The following CEP128 variants were observed in gnomAD, a reference collection of about 807,000 sequenced individuals.
CEP128 encodes centrosomal protein 128.
In CEP128, 132 loss-of-function variants were observed where a neutral mutation model predicts 156.7. That is an observed-to-expected ratio of 0.84 (90% CI 0.73 to 0.97). CEP128 has a LOEUF of 0.97. CEP128 is among the 50% of genes least tolerant of loss of function. CEP128 has a pLI of 0.00. For missense variants in CEP128, 1,252 were observed against 1,281.9 expected (o/e 0.98, Z 0.36); for synonymous variants, 469 against 448.9 (o/e 1.04, Z -0.57).
chr14:80,660,075 C>A (rs1895334423), intron 19 of CEP128, among the ~76,000 whole-genome samples: 1 of 152,112 alleles, frequency 6.6e-6, no homozygotes, highest in African/African-American at 2.4e-5. Flanking sequence ...ATAGGGAGGT[C>A]TTCTGTGTAC....
intron 13 of CEP128, among the ~76,000 whole-genome samples, chr14:80,806,110 T>C (rs951853764): frequency 1.3e-5 from 2 of 152,142 alleles, no homozygotes; most frequent in African/African-American, 2.4e-5. Context: ...ACATATGCCA[T>C]TATCATTTTC....
upstream of CEP128, among the ~76,000 whole-genome samples, chr14:80,944,860 G>A (rs887298827): frequency 0.077 from 3,138 of 40,586 alleles, 3 homozygotes; most frequent in Middle Eastern, 0.1. Flanking sequence ...AAAAAAAACA[G>A]AAAAAACAGA....
chr14:80,909,371 T>A (rs1038765703), intron 4 of CEP128, among the ~76,000 whole-genome samples: 1 of 142,334 alleles, frequency 7.0e-6, no homozygotes, highest in Non-Finnish European at 1.5e-5. Context: ...AAGTGAATTT[T>A]CACACACACA....
At chr14:80,950,225 T>C (rs1016582323) in intron 2 of CEP128, among the ~76,000 whole-genome samples, 4 of 152,074 alleles carry the variant, frequency 2.6e-5, no homozygotes, top group Admixed American at 2.0e-4. Flanking sequence ...CAAGGAAACA[T>C]CCACCCACAG....
chr14:80,875,691 G>C (rs994605937), intron 8 of CEP128, among the ~76,000 whole-genome samples: 1 of 152,204 alleles, frequency 6.6e-6, no homozygotes, highest in Non-Finnish European at 1.5e-5. Context: ...CAGTTGAAGA[G>C]AGATTAAGTT....
chr14:80,579,006 A>G (rs949053609), intron 20 of CEP128, among the ~76,000 whole-genome samples: 7 of 152,332 alleles, frequency 4.6e-5, no homozygotes, highest in Non-Finnish European at 8.8e-5. Flanking sequence ...CCAGTATTTA[A>G]TAAACATTTG....
intron 13 of CEP128, 34 bp from the exon 14 acceptor site, chr14:80,793,144 A>C: frequency 6.5e-7 from 1 of 1,540,200 alleles, no homozygotes. Context: ...TTAGGAACAA[A>C]TCCTTGTCAA....
chr14:80,489,315 A>G (rs1023861057), downstream of CEP128, among the ~76,000 whole-genome samples: 2 of 151,074 alleles, frequency 1.3e-5, no homozygotes, highest in Non-Finnish European at 2.9e-5. Context: ...TCTGTGGTCT[A>G]ATAGTGTAAG....
At chr14:80,939,307 T>C (rs1886016069) in intron 2 of CEP128, 78 bp downstream of exon 2, 1 of 151,428 alleles carries the variant, frequency 6.6e-6, no homozygotes, top group Non-Finnish European at 1.5e-5. Flanking sequence ...CAAAACTCTA[T>C]TTCTTGGCAT....
At chr14:80,934,049 T>A (rs1478783370) in intron 2 of CEP128, among the ~76,000 whole-genome samples, 1 of 152,186 alleles carries the variant, frequency 6.6e-6, no homozygotes, top group Non-Finnish European at 1.5e-5. Flanking sequence ...TGCAAGCAAG[T>A]CACTTACTGT....
chr14:80,908,756 A>T, intron 4 of CEP128, among the ~76,000 whole-genome samples: 1 of 152,222 alleles, frequency 6.6e-6, no homozygotes, highest in East Asian at 1.9e-4. Flanking sequence ...GTTCTAGAGG[A>T]TGACATCTTT....
intron 20 of CEP128, among the ~76,000 whole-genome samples, chr14:80,563,240 A>C (rs1276167758): frequency 2.0e-5 from 3 of 152,112 alleles, no homozygotes; most frequent in African/African-American, 7.2e-5. Context: ...TTAATCCTGA[A>C]AAGAAAAGTA....
upstream of CEP128, among the ~76,000 whole-genome samples, chr14:80,944,972 A>G (rs959599132): frequency 2.6e-5 from 4 of 151,782 alleles, no homozygotes; most frequent in Admixed American, 6.6e-5. Flanking sequence ...TATCATTTGC[A>G]GTACCCTTCT....
At chr14:80,580,242 A>C in intron 20 of CEP128, 132 bp downstream of exon 20, 1 of 561,082 alleles carries the variant, frequency 1.8e-6, no homozygotes, top group East Asian at 2.8e-5. Context: ...AGCAAATTCC[A>C]ACTTTATAGT....
At chr14:80,565,741 C>T (rs1890884842) in intron 20 of CEP128, among the ~76,000 whole-genome samples, 1 of 152,122 alleles carries the variant, frequency 6.6e-6, no homozygotes, top group African/African-American at 2.4e-5. Context: ...ATCAGAATAT[C>T]TAATCATTAA....
At chr14:80,690,095 C>T (rs1223827289) in intron 19 of CEP128, among the ~76,000 whole-genome samples, 2 of 151,948 alleles carry the variant, frequency 1.3e-5, no homozygotes, top group African/African-American at 4.8e-5. Context: ...CTAAGTTGTT[C>T]CAAGCTTAGT....
intron 19 of CEP128, 87 bp downstream of exon 19, chr14:80,742,988 T>C: frequency 1.8e-6 from 2 of 1,104,492 alleles, no homozygotes; most frequent in South Asian, 1.4e-5. Context: ...CCAAAGGGGA[T>C]GCAACAGAAG....
chr14:80,643,925 G>T (rs1018462134), intron 19 of CEP128, among the ~76,000 whole-genome samples: 7 of 152,184 alleles, frequency 4.6e-5, no homozygotes, highest in Non-Finnish European at 8.8e-5. Context: ...TGGAGATAGC[G>T]TGAGTCAAGG....
intron 19 of CEP128, among the ~76,000 whole-genome samples, chr14:80,672,220 AGT>A (rs1373643842): frequency 6.6e-6 from 1 of 152,168 alleles, no homozygotes; most frequent in Admixed American, 6.5e-5. Flanking sequence ...ATTTTTAGAA[AGT>A]CTTCACAAGA....
Sources: allele counts gnomAD v4.1 joint callset (sites outside exome capture counted in the v4.1 genomes callset), GRCh38; gene constraint gnomAD v4.1.1; transcripts MANE v1.5; gene names NCBI Gene and HGNC (gene_info 2026-07-23, HGNC 2026-07-21).